CD247: variants seen among roughly 807,000 people sequenced by gnomAD.
The protein encoded by CD247 is T-cell surface glycoprotein CD3 zeta chain.
A neutral mutation model predicts 30.0 loss-of-function variants in CD247; 13 were observed. The ratio of observed to expected loss-of-function variants is 0.43; its 90% CI spans 0.28 to 0.69. The LOEUF (loss-of-function observed/expected upper bound fraction) is 0.69. Ranked by LOEUF, CD247 falls within the 30% of genes least tolerant of loss-of-function variation. The pLI is 0.16. For missense variants in CD247, 193 were observed against 212.6 expected (o/e 0.91, Z 0.57); for synonymous variants, 72 against 80.0 (o/e 0.90, Z 0.53).
chr1:167,511,281 T>G (rs1219670504), intron 1 of CD247, among the ~76,000 whole-genome samples: 14 of 152,180 alleles, frequency 9.2e-5, no homozygotes, highest in Admixed American at 7.9e-4. Context: ...AGCAGATTAA[T>G]TACAGGCAAT....
intron 1 of CD247, among the ~76,000 whole-genome samples, chr1:167,456,072 T>C (rs1263876545): frequency 4.0e-5 from 6 of 148,988 alleles, no homozygotes; most frequent in Admixed American, 1.3e-4. Context: ...CGTTCTCACA[T>C]AGGGGGACTC....
chr1:167,473,966 G>T (rs879731302), intron 1 of CD247, among the ~76,000 whole-genome samples: 3 of 151,974 alleles, frequency 2.0e-5, no homozygotes, highest in Non-Finnish European at 2.9e-5. Context: ...GTGCCCTTTT[G>T]GTCTTCTATG....
In CD247 at chr1:167,493,105, C is replaced by T. The variant is rs527545752; in HGVS notation, c.58+25303G>A. On this transcript the variant is annotated intron_variant, in intron 1 of 7. Transcript: ENST00000362089. The stretch of plus-strand genomic sequence containing the variant: ...TCGCCCAGGCTGGAGTGCAGTGGTG[C>T]GATCTCGGCTCACTGCAACTGCCAC... 3.9e-4 allele frequency among the ~76,000 whole-genome samples: 48 copies of T among 122,980 alleles called. No homozygotes were observed. In the East Asian group the frequency reaches 4.9e-3, roughly 12 times the overall value. 80.7% of individuals were successfully genotyped at this position (122,980 alleles called of 152,430 possible).
intron 1 of CD247, among the ~76,000 whole-genome samples, chr1:167,516,803 C>T (rs1371849519): frequency 6.6e-6 from 1 of 152,138 alleles, no homozygotes; most frequent in African/African-American, 2.4e-5. Flanking sequence ...GAGGCACGGC[C>T]CCCATCTTGT....
intron 1 of CD247, among the ~76,000 whole-genome samples, chr1:167,461,085 G>C (rs966801538): frequency 6.6e-6 from 1 of 152,198 alleles, no homozygotes; most frequent in Non-Finnish European, 1.5e-5. Flanking sequence ...TGCCACGCTG[G>C]GGACATGCTG....
At chr1:167,476,837 T>C (rs1653767336) in intron 1 of CD247, among the ~76,000 whole-genome samples, 1 of 152,104 alleles carries the variant, frequency 6.6e-6, no homozygotes, top group South Asian at 2.1e-4. Flanking sequence ...ATATAGAAGG[T>C]TTATTATGTT....
chr1:167,464,037 G>A (rs1653134365), intron 1 of CD247, among the ~76,000 whole-genome samples: 1 of 152,072 alleles, frequency 6.6e-6, no homozygotes, highest in African/African-American at 2.4e-5. Flanking sequence ...TGCCTTTAAT[G>A]ACAGCCTCAA....
chr1:167,512,360 G>A (rs1655422434), intron 1 of CD247, among the ~76,000 whole-genome samples: 1 of 152,178 alleles, frequency 6.6e-6, no homozygotes, highest in African/African-American at 2.4e-5. Flanking sequence ...AAGGAAGAAG[G>A]AAGTTCAGGC....
intron 1 of CD247, among the ~76,000 whole-genome samples, chr1:167,509,426 T>C (rs1411791959): frequency 6.6e-6 from 1 of 151,926 alleles, no homozygotes; most frequent in Non-Finnish European, 1.5e-5. Context: ...CTGGTTATCT[T>C]GATGGGCAAA....
In CD247 at chr1:167,516,329, T is replaced by C. The variant is rs565375978; in HGVS notation, c.58+2079A>G. On this transcript the variant is annotated intron_variant, in intron 1 of 7. Transcript: ENST00000362089. ...TGGCCTCAAGCCCTGGTGACTGTCT[T>C]GGTAGATTCTCTCTCAGGGAGGCCT... Among the ~76,000 whole-genome samples the C allele has an allele frequency of 2.0e-5, 3 of 152,358 alleles. No individual in the cohort carries two copies. The East Asian group carries it at 5.8e-4, about 29-fold the overall frequency.
intron 1 of CD247, among the ~76,000 whole-genome samples, chr1:167,482,769 G>C (rs149343174): frequency 3.9e-5 from 6 of 152,184 alleles, no homozygotes; most frequent in Non-Finnish European, 2.9e-5. Flanking sequence ...TGGGCTGCCC[G>C]TACCCTGGGA....
chr1:167,505,401 AG>A (rs1167372623), intron 1 of CD247, among the ~76,000 whole-genome samples: 2 of 152,232 alleles, frequency 1.3e-5, no homozygotes, highest in Non-Finnish European at 2.9e-5. Flanking sequence ...ATAGACTAAA[AG>A]CACTCTGGCT....
At chr1:167,489,016 C>G (rs1434497071) in intron 1 of CD247, among the ~76,000 whole-genome samples, 1 of 152,048 alleles carries the variant, frequency 6.6e-6, no homozygotes, top group Non-Finnish European at 1.5e-5. Flanking sequence ...GTCCACACCT[C>G]GTGGAGAGGT....
At chr1:167,514,442 C>T (rs1380993863) in intron 1 of CD247, among the ~76,000 whole-genome samples, 1 of 152,174 alleles carries the variant, frequency 6.6e-6, no homozygotes, top group East Asian at 1.9e-4. Context: ...TGCACATTGA[C>T]TCTGCTCCAG....
At chr1:167,480,981 A>G (rs1475142458) in intron 1 of CD247, among the ~76,000 whole-genome samples, 2 of 152,200 alleles carry the variant, frequency 1.3e-5, no homozygotes, top group East Asian at 3.8e-4. Context: ...TTGATTCTCA[A>G]CCATTATCCA....
intron 1 of CD247, among the ~76,000 whole-genome samples, chr1:167,478,564 C>T (rs1653848001): frequency 6.6e-6 from 1 of 152,112 alleles, no homozygotes; most frequent in African/African-American, 2.4e-5. Context: ...CACTAAAAAC[C>T]AATTGGAGAG....
intron 1 of CD247, among the ~76,000 whole-genome samples, chr1:167,449,146 TTTC>T (rs1290933651): frequency 2.0e-5 from 1 of 49,284 alleles, no homozygotes; most frequent in Non-Finnish European, 3.3e-5. Flanking sequence ...TCATTTTTCT[TTTC>T]TTTTTTTTTT....
intron 1 of CD247, among the ~76,000 whole-genome samples, chr1:167,447,990 T>C (rs1652172506): frequency 6.6e-6 from 1 of 151,460 alleles, no homozygotes; most frequent in Non-Finnish European, 1.5e-5. Context: ...GCGGTGTCTG[T>C]GTTGGGCAGG....
chr1:167,490,064 C>T (rs1352461199), intron 1 of CD247, among the ~76,000 whole-genome samples: 1 of 151,204 alleles, frequency 6.6e-6, no homozygotes, highest in Admixed American at 6.6e-5. Flanking sequence ...AACTGTGGAG[C>T]GCTCATCTTT....
Sources: gnomAD v4.1 joint callset for allele counts (sites outside exome capture counted in the v4.1 genomes callset) on GRCh38, gnomAD v4.1.1 for gene constraint, MANE v1.5 for transcripts, NCBI Gene and HGNC (gene_info 2026-07-23, HGNC 2026-07-21) for gene names.